DKK2: variants seen among roughly 807,000 people sequenced by gnomAD.
DKK2 encodes the protein dickkopf-related protein 2.
Under a neutral mutation model 28.1 loss-of-function variants are expected in DKK2, and 11 were observed. The observed-to-expected ratio is 0.39, with a 90% CI of 0.25 to 0.65. The LOEUF (loss-of-function observed/expected upper bound fraction) is 0.65. Ranked by LOEUF, DKK2 falls within the 30% of genes least tolerant of loss-of-function variation. The pLI is 0.47. For missense variants in DKK2, 326 were observed against 335.5 expected, an observed-to-expected ratio of 0.97 and a Z score of 0.22; for synonymous variants, 135 against 126.5, an observed-to-expected ratio of 1.07 and a Z score of -0.45.
chr4:106,977,816 G>A (rs541099962), intron 1 of DKK2, among the ~76,000 whole-genome samples: 9 of 152,250 alleles, frequency 5.9e-5, no homozygotes, highest in South Asian at 2.1e-4. Flanking sequence ...GAGAAGAGGC[G>A]CTCTGGTTTT....
chr4:106,961,134 G>T (rs1396533365), intron 1 of DKK2, among the ~76,000 whole-genome samples: 3 of 152,052 alleles, frequency 2.0e-5, no homozygotes, highest in Non-Finnish European at 2.9e-5. Context: ...TGATAAAAGA[G>T]AATGCTTATA....
chr4:107,008,377 A>G (rs1723467877), intron 1 of DKK2, among the ~76,000 whole-genome samples: 1 of 152,094 alleles, frequency 6.6e-6, no homozygotes. Flanking sequence ...AGCAATAATT[A>G]TAATGAGGAT....
chr4:106,971,282 C>A (rs1220870617), intron 1 of DKK2, among the ~76,000 whole-genome samples: 3 of 152,104 alleles, frequency 2.0e-5, no homozygotes, highest in Non-Finnish European at 4.4e-5. Flanking sequence ...ATGGATTTTT[C>A]TGTCTTAAAA....
At chr4:106,956,916 C>G (rs922404589) in intron 1 of DKK2, among the ~76,000 whole-genome samples, 1 of 150,956 alleles carries the variant, frequency 6.6e-6, no homozygotes, top group South Asian at 2.1e-4. Flanking sequence ...TCTAATTAAA[C>G]TAAAGAGCTT....
At chr4:106,948,757 G>T (rs1473349052) in intron 1 of DKK2, among the ~76,000 whole-genome samples, 5 of 152,108 alleles carry the variant, frequency 3.3e-5, no homozygotes, top group Non-Finnish European at 7.4e-5. Context: ...TTAAATATTT[G>T]TCTAATAAAT....
chr4:107,018,744 A>G (rs1723647706), intron 1 of DKK2, among the ~76,000 whole-genome samples: 1 of 152,108 alleles, frequency 6.6e-6, no homozygotes, highest in African/African-American at 2.4e-5. Flanking sequence ...TGTCCTAATC[A>G]TTGAAAATCT....
intron 1 of DKK2, among the ~76,000 whole-genome samples, chr4:106,953,177 G>C (rs937916717): frequency 6.6e-6 from 1 of 152,026 alleles, no homozygotes; most frequent in Admixed American, 6.6e-5. Flanking sequence ...AAATTTTTCT[G>C]TAGACACCAG....
At chr4:107,028,800 C>G (rs1723832010) in intron 1 of DKK2, among the ~76,000 whole-genome samples, 1 of 152,204 alleles carries the variant, frequency 6.6e-6, no homozygotes, top group Non-Finnish European at 1.5e-5. Flanking sequence ...GTCAGCCAAA[C>G]AAACAAAGCC....
intron 1 of DKK2, among the ~76,000 whole-genome samples, chr4:107,030,638 T>C (rs1723862499): frequency 6.6e-6 from 1 of 151,940 alleles, no homozygotes; most frequent in Non-Finnish European, 1.5e-5. Context: ...AAGTCACAGG[T>C]AGAAATTTGA....
At chr4:106,937,587 G>T (rs1478368266) in intron 1 of DKK2, among the ~76,000 whole-genome samples, 1 of 151,908 alleles carries the variant, frequency 6.6e-6, no homozygotes, top group African/African-American at 2.4e-5. Context: ...GGATACCCAA[G>T]AATTGAACTC....
At chr4:107,033,103 T>C (rs551368653) in intron 1 of DKK2, among the ~76,000 whole-genome samples, 3 of 152,308 alleles carry the variant, frequency 2.0e-5, no homozygotes, top group Non-Finnish European at 4.4e-5. Context: ...TAAAGAAGAA[T>C]ACACAAAATA....
chr4:107,035,531 G>C lies in DKK2; in HGVS notation c.61C>G (p.Leu21Val), dbSNP rs1205691330. The change falls in exon 1 of 4, where the codon CTG becomes GTG. Residue 21 changes from leucine (L) to valine (V), a missense_variant. Coordinates refer to ENST00000285311, the MANE Select transcript of DKK2 (RefSeq NM_014421.3). Reference sequence around the variant, plus strand: ...CCGATCTGTGAGCTCTCCACCATCAGCACCGCGGCCAGTAGGAGCAGGCAG... The same window carrying C: ...CCGATCTGTGAGCTCTCCACCATCACCACCGCGGCCAGTAGGAGCAGGCAG... ...SCCLLLLAAV[L>V]MVESSQIGSS... 1 of 1,614,200 alleles carries C rather than the reference G, an allele frequency of 6.2e-7. No homozygotes were observed. The highest frequency in any genetic ancestry group is 8.5e-7 in the Non-Finnish European group (1 of 1,180,046).
chr4:106,939,089 A>G (rs940919479), intron 1 of DKK2, among the ~76,000 whole-genome samples: 4 of 152,214 alleles, frequency 2.6e-5, no homozygotes, highest in Non-Finnish European at 5.9e-5. Flanking sequence ...CCTATTCAAC[A>G]TAGTGTTGGA....
In DKK2 at chr4:107,035,704, G is replaced by A. The variant is rs1458552481; in HGVS notation, c.-113C>T. On this transcript the variant is annotated 5_prime_UTR_variant, in exon 1 of 4. Coordinates refer to ENST00000285311, the MANE Select transcript of DKK2 (RefSeq NM_014421.3). ...CTTGGGTCGCGGGGGCTTGCAGATT[G>A]TGTTCCCTCAACCCTTCCTGGTTCG... 2 of 1,076,248 alleles carry A rather than the reference G, an allele frequency of 1.9e-6. No individual in the cohort carries two copies. Among genetic ancestry groups the A allele is most frequent in the Non-Finnish European group, 2.7e-6 (2 of 734,928 alleles). The allele number at this position is 1,076,248 out of a possible 1,614,324, so 66.7% of individuals were successfully genotyped here.
At chr4:107,000,307 A>G (rs1038171894) in intron 1 of DKK2, among the ~76,000 whole-genome samples, 16 of 152,322 alleles carry the variant, frequency 1.1e-4, no homozygotes, top group South Asian at 2.1e-4. Flanking sequence ...CTAGAGATTA[A>G]TTCATCAACA....
chr4:106,943,821 T>A (rs1003856866), intron 1 of DKK2, among the ~76,000 whole-genome samples: 1 of 152,126 alleles, frequency 6.6e-6, no homozygotes, highest in African/African-American at 2.4e-5. Flanking sequence ...CCAATAGCTA[T>A]TCAGAGCAGT....
intron 1 of DKK2, among the ~76,000 whole-genome samples, chr4:106,998,001 G>C (rs1723300448): frequency 6.6e-6 from 1 of 152,150 alleles, no homozygotes; most frequent in African/African-American, 2.4e-5. Flanking sequence ...CTTGTTTCTA[G>C]AATTACAGTC....
At chr4:106,928,973 G>A (rs148588311) in intron 1 of DKK2, among the ~76,000 whole-genome samples, 29 of 152,164 alleles carry the variant, frequency 1.9e-4, no homozygotes, top group African/African-American at 6.7e-4. Flanking sequence ...CTGAAGAAGC[G>A]ATGACTGTGG....
At chr4:107,022,501 A>G (rs752980114) in intron 1 of DKK2, among the ~76,000 whole-genome samples, 3 of 152,100 alleles carry the variant, frequency 2.0e-5, no homozygotes, top group Non-Finnish European at 4.4e-5. Context: ...TTGGCCTTAA[A>G]TCCCAGCTCT....
Sources: allele counts gnomAD v4.1 joint callset (sites outside exome capture counted in the v4.1 genomes callset), GRCh38; gene constraint gnomAD v4.1.1; transcripts MANE v1.5; gene names NCBI Gene and HGNC (gene_info 2026-07-23, HGNC 2026-07-21).